ZNF704: variants seen among roughly 807,000 people sequenced by gnomAD.
ZNF704 encodes the protein glucocorticoid induced gene 1.
A neutral mutation model predicts 44.7 loss-of-function variants in ZNF704; 10 were observed. The ratio of observed to expected loss-of-function variants is 0.22; its 90% confidence interval spans 0.14 to 0.38. The LOEUF is 0.38. Among genes scored for constraint, ZNF704 ranks in the 10% least tolerant of loss-of-function variants. ZNF704 has a pLI of 1.00. For missense variants in ZNF704, 390 were observed against 545.5 expected (o/e 0.71, Z 2.84); for synonymous variants, 211 against 207.6 (o/e 1.02, Z -0.14).
chr8:80,706,288 G>C (rs555522994), intron 2 of ZNF704, among the ~76,000 whole-genome samples: 3 of 151,602 alleles, frequency 2.0e-5, no homozygotes, highest in Admixed American at 1.3e-4. Context: ...GCAATTAGGA[G>C]AAAACAAATC....
Position 80,629,557 on chromosome 8 carries a change from T to C in ZNF704, c.*11809A>G, listed in dbSNP as rs1817552122. ...CAGGCTGAGTAATGTAGTAAAGCAC[T>C]GATTAAAGAGCGAAGACAAATTATT... On this transcript the variant is annotated 3_prime_UTR_variant, in exon 9 of 9. Transcript: ENST00000327835. 1 of 152,170 alleles carries C rather than the reference T, an allele frequency of 6.6e-6. No homozygotes were observed. Among genetic ancestry groups the C allele is most frequent in the Admixed American group, 6.5e-5 (1 of 15,278 alleles). The allele number at this position is 152,170 out of a possible 1,614,324, so 9.4% of individuals were successfully genotyped here.
chr8:80,694,636 A>T (rs1343243398), intron 2 of ZNF704, among the ~76,000 whole-genome samples: 1 of 152,216 alleles, frequency 6.6e-6, no homozygotes, highest in African/African-American at 2.4e-5. Flanking sequence ...GTGGGAAGAG[A>T]AATTCTTAAA....
Position 80,821,426 on chromosome 8 carries a change from G to A in ZNF704, c.169C>T (p.Leu57Phe). 1 of 1,613,950 alleles carries A rather than the reference G, an allele frequency of 6.2e-7. No individual in the cohort carries two copies. The change falls in exon 2 of 9, where the codon CTT becomes TTT. Residue 57 changes from leucine to phenylalanine, a missense_variant. By Grantham distance (22) the Leu-to-Phe change is conservative. Transcript: ENST00000327835. The stretch of plus-strand genomic sequence containing the variant: ...GAAACAACTTTTCTTTTTTGCTCAA[G>A]GAGACAGATGGAGCGAGTGTTTTCT... ...EKENTRSICL[L>F]EQKRKVVSSN... is the part of the protein sequence containing the mutation.
At chr8:80,679,220 A>G (rs541730426) in intron 4 of ZNF704, among the ~76,000 whole-genome samples, 1 of 152,296 alleles carries the variant, frequency 6.6e-6, no homozygotes, top group South Asian at 2.1e-4. Context: ...ATTTGTCTCT[A>G]CATAGGCCAA....
At chr8:80,808,272 TAGAA>T (rs1479667261) in intron 2 of ZNF704, among the ~76,000 whole-genome samples, 1 of 152,206 alleles carries the variant, frequency 6.6e-6, no homozygotes, top group East Asian at 1.9e-4. Context: ...CAACTGAAGG[TAGAA>T]AGATTGTTTT....
chr8:80,801,232 A>C (rs1387845258), intron 2 of ZNF704, among the ~76,000 whole-genome samples: 1 of 152,168 alleles, frequency 6.6e-6, no homozygotes, highest in Non-Finnish European at 1.5e-5. Context: ...AGACTTTAAC[A>C]CCCCACTGAC....
chr8:80,633,717 T>C lies in ZNF704; in HGVS notation c.*7649A>G, dbSNP rs1238797487. 6.6e-6 allele frequency: 1 copy of C among 152,162 alleles called. No individual in the cohort carries two copies. The highest frequency in any genetic ancestry group is 6.5e-5 in the Admixed American group (1 of 15,278). 9.4% of individuals were successfully genotyped at this position (152,162 alleles called of 1,614,324 possible). A position where few individuals can be genotyped will look rare whatever the true frequency, so the allele number is the denominator to read the frequency against. On this transcript the variant is annotated 3_prime_UTR_variant, in exon 9 of 9. Coordinates refer to ENST00000327835, the MANE Select transcript of ZNF704 (RefSeq NM_001033723.3). ...ATTCTACACTGGGTTCTTACAAAGA[T>C]CAAATGAAATAGTGTGTGAACGAGA...
At chr8:80,707,466 TTATAA>T (rs778130082) in intron 2 of ZNF704, among the ~76,000 whole-genome samples, 11 of 152,320 alleles carry the variant, frequency 7.2e-5, no homozygotes, top group East Asian at 3.9e-4. Context: ...AATAGTATTC[TTATAA>T]TATATCTAAA....
At chr8:80,665,399 T>C (rs1364646921) in intron 5 of ZNF704, among the ~76,000 whole-genome samples, 1 of 152,180 alleles carries the variant, frequency 6.6e-6, no homozygotes, top group Non-Finnish European at 1.5e-5. Flanking sequence ...TCCGCCCTGA[T>C]GGAACTTATA....
At position 80,695,366 on chromosome 8, in the gene ZNF704, T is replaced by C. The variant is rs116617448; in HGVS notation, c.222-2259A>G. ...TCTTCCAAGACTGAATTAGGAGGGCTGTTGACTTCTCTTTCCAACGGCCAG... is the reference window on the plus strand; with the variant it reads ...TCTTCCAAGACTGAATTAGGAGGGCCGTTGACTTCTCTTTCCAACGGCCAG... On this transcript the variant is annotated intron_variant, in intron 2 of 8. Coordinates refer to ENST00000327835, the MANE Select transcript of ZNF704 (RefSeq NM_001033723.3). 9.5e-3 allele frequency among the ~76,000 whole-genome samples: 1,441 copies of C among 152,356 alleles called. 33 individuals carry two copies. The highest frequency in any genetic ancestry group is 0.033 in the African/African-American group (1,357 of 41,586).
chr8:80,765,243 C>T (rs1030975792), intron 2 of ZNF704, among the ~76,000 whole-genome samples: 1 of 152,166 alleles, frequency 6.6e-6, no homozygotes, highest in Non-Finnish European at 1.5e-5. Flanking sequence ...GAGAGGCCTT[C>T]TGTATTTGTT....
chr8:80,877,543 C>T (rs1444768399), upstream of ZNF704, among the ~76,000 whole-genome samples: 1 of 152,328 alleles, frequency 6.6e-6, no homozygotes, highest in Middle Eastern at 3.4e-3. Context: ...CCCCACATTC[C>T]CTAAGTGTAA....
chr8:80,731,022 A>C (rs1806572262), intron 2 of ZNF704, among the ~76,000 whole-genome samples: 1 of 152,228 alleles, frequency 6.6e-6, no homozygotes, highest in Non-Finnish European at 1.5e-5. Context: ...CCACCCGTCT[A>C]AGAGATAATG....
rs112789244 is a variant in ZNF704 at position 80,849,823 on chromosome 8, T to G, written c.-22+24748A>C. ...TATGATAGTTTTTTACATTTGGGAA[T>G]AGCTTTTTACATTAGGGGCTAGTTT... On this transcript the variant is annotated intron_variant, in intron 1 of 8. Transcript: ENST00000327835. 8.1e-3 allele frequency among the ~76,000 whole-genome samples: 1,236 copies of G among 152,360 alleles called. 15 individuals are homozygous for G. The highest frequency in any genetic ancestry group is 0.028 in the African/African-American group (1,147 of 41,576).
intron 1 of ZNF704, among the ~76,000 whole-genome samples, chr8:80,857,370 T>C (rs1808980445): frequency 1.3e-5 from 2 of 152,332 alleles, no homozygotes; most frequent in Non-Finnish European, 1.5e-5. Flanking sequence ...CCTATACATA[T>C]ACTTTATCAG....
chr8:80,858,246 T>C (rs768782911), intron 1 of ZNF704, among the ~76,000 whole-genome samples: 3 of 152,226 alleles, frequency 2.0e-5, no homozygotes, highest in Non-Finnish European at 4.4e-5. Flanking sequence ...CTCTACTGTT[T>C]GTCTTTTTAT....
intron 7 of ZNF704, among the ~76,000 whole-genome samples, chr8:80,650,233 A>T (rs1585922187): frequency 1.3e-5 from 2 of 152,256 alleles, no homozygotes; most frequent in Admixed American, 1.3e-4. Flanking sequence ...GAAAAACTGG[A>T]AACTCTAAAA....
At chr8:80,748,433 T>C (rs1470096998) in intron 2 of ZNF704, among the ~76,000 whole-genome samples, 1 of 152,158 alleles carries the variant, frequency 6.6e-6, no homozygotes, top group Non-Finnish European at 1.5e-5. Flanking sequence ...GGCATCTGAG[T>C]TAAGGCCATC....
At chr8:80,739,295 T>C (rs563380414) in intron 2 of ZNF704, among the ~76,000 whole-genome samples, 1 of 152,310 alleles carries the variant, frequency 6.6e-6, no homozygotes, top group South Asian at 2.1e-4. Context: ...CTCAGGGATA[T>C]GTCCCACACT....
Sources: allele counts gnomAD v4.1 joint callset (sites outside exome capture counted in the v4.1 genomes callset), GRCh38; gene constraint gnomAD v4.1.1; transcripts MANE v1.5; gene names NCBI Gene and HGNC (gene_info 2026-07-23, HGNC 2026-07-21).